The following PHTF1 variants were observed in gnomAD, a reference collection of about 807,000 sequenced individuals.
PHTF1 encodes the protein protein PHTF1.
PHTF1 carries 88 observed loss-of-function variants against 102.4 expected under a neutral mutation model. The ratio of observed to expected loss-of-function variants is 0.86; its 90% CI spans 0.72 to 1.03. The LOEUF (loss-of-function observed/expected upper bound fraction) is 1.03. PHTF1 is among the 50% of genes least tolerant of loss of function. The probability of loss-of-function intolerance (pLI) is 0.00; values close to 1 mark genes in which losing one functional copy is unlikely to be tolerated. For missense variants in PHTF1, 814 were observed against 909.5 expected (o/e 0.89, Z 1.35); for synonymous variants, 289 against 305.2 (o/e 0.95, Z 0.55).
In PHTF1 at chr1:113,704,168, C is replaced by T. The variant is rs202217945; in HGVS notation, c.1804-1G>A. The T allele has an allele frequency of 3.0e-5, 48 of 1,606,968 alleles. No individual in the cohort carries two copies. The African/African-American group carries it at 3.2e-4, about 11-fold the overall frequency. ...CAACTGAACGCTGTGGCCCCCGTCT[C>T]TGTGGAGTGAGACACATGTGTTAAT... is the stretch of plus-strand genomic sequence containing the variant. On this transcript the variant is annotated splice_acceptor_variant, in intron 14 of 18. Transcript: ENST00000369604. LOFTEE classifies it high-confidence loss of function.
intron 12 of PHTF1, 67 bp from the exon 13 acceptor site, chr1:113,706,229 TC>T: frequency 2.3e-6 from 3 of 1,300,716 alleles, no homozygotes; most frequent in Non-Finnish European, 3.2e-6. Context: ...GCAGTATTTA[TC>T]AAACACTATT....
chr1:113,741,466 T>C lies in PHTF1; in HGVS notation c.103-2667A>G, dbSNP rs1023011815. Among the ~76,000 whole-genome samples the C allele has an allele frequency of 2.0e-5, 3 of 152,216 alleles. No individual in the cohort carries two copies. The South Asian group carries it at 6.2e-4, about 32-fold the overall frequency. ...ATTAAAAATTTAAAGGTAAAAATAT[T>C]ACTTTTTACCTTTTTGGACATTTGT... On this transcript the variant is annotated intron_variant, in intron 3 of 18. Coordinates refer to ENST00000369604, the MANE Select transcript of PHTF1 (RefSeq NM_001323043.2).
At chr1:113,701,826 TAAAA>T (rs34844793) in intron 15 of PHTF1, among the ~76,000 whole-genome samples, 98 of 27,958 alleles carry the variant, frequency 3.5e-3, no homozygotes, top group African/African-American at 7.7e-3. Flanking sequence ...CAATTCCTGG[TAAAA>T]AAAAAAAAAA....
intron 3 of PHTF1, among the ~76,000 whole-genome samples, chr1:113,743,552 C>T (rs1656747740): frequency 6.6e-6 from 1 of 151,998 alleles, no homozygotes; most frequent in African/African-American, 2.4e-5. Context: ...GTAATATAGT[C>T]ATTTATTATC....
chr1:113,729,254 G>A (rs1019865456), intron 5 of PHTF1, among the ~76,000 whole-genome samples: 4 of 152,170 alleles, frequency 2.6e-5, no homozygotes, highest in Non-Finnish European at 5.9e-5. Context: ...AGAGTAGAAG[G>A]CTCTGAGGCT....
At chr1:113,703,502 T>C (rs951317336) in intron 15 of PHTF1, among the ~76,000 whole-genome samples, 1 of 152,094 alleles carries the variant, frequency 6.6e-6, no homozygotes, top group African/African-American at 2.4e-5. Flanking sequence ...AAAGCAAATA[T>C]AGTAACAGGT....
chr1:113,728,179 G>A (rs1036999489), intron 5 of PHTF1, among the ~76,000 whole-genome samples: 1 of 152,178 alleles, frequency 6.6e-6, no homozygotes, highest in African/African-American at 2.4e-5. Context: ...CACAGAATGA[G>A]AGAAAGTCTT....
At chr1:113,704,587 G>T in intron 14 of PHTF1, 79 bp downstream of exon 14, 1 of 1,030,816 alleles carries the variant, frequency 9.7e-7, no homozygotes, top group Non-Finnish European at 1.4e-6. Flanking sequence ...GAACTACACT[G>T]TCTACTGAGT....
At chr1:113,758,782 T>C in intron 1 of PHTF1, 49 bp from the exon 2 acceptor site, 2 of 1,564,544 alleles carry the variant, frequency 1.3e-6, no homozygotes, top group Non-Finnish European at 1.7e-6. Flanking sequence ...TGAAGGTTAC[T>C]CTCCCAGTTT....
At chr1:113,709,025 G>A (rs1650644585) in intron 11 of PHTF1, among the ~76,000 whole-genome samples, 1 of 152,162 alleles carries the variant, frequency 6.6e-6, no homozygotes, top group Non-Finnish European at 1.5e-5. Context: ...GGAGGCTAAG[G>A]TGGGAGGACT....
intron 5 of PHTF1, among the ~76,000 whole-genome samples, chr1:113,729,898 T>G (rs554355962): frequency 6.6e-6 from 1 of 152,262 alleles, no homozygotes; most frequent in East Asian, 1.9e-4. Flanking sequence ...TCGGGGAGCT[T>G]CCCTGGGTGG....
At chr1:113,751,994 T>C (rs1658159747) in intron 3 of PHTF1, among the ~76,000 whole-genome samples, 1 of 152,258 alleles carries the variant, frequency 6.6e-6, no homozygotes, top group Non-Finnish European at 1.5e-5. Context: ...CTACATCCTT[T>C]GTATTACATA....
At position 113,726,533 on chromosome 1, in the gene PHTF1, T is replaced by G. The variant is rs35311195; in HGVS notation, c.373A>C (p.Ile125Leu). 2.4e-5 allele frequency: 38 copies of G among 1,607,338 alleles called. 1 individual carries two copies. The Admixed American group carries it at 4.6e-4, about 19-fold the overall frequency. The change falls in exon 6 of 19, where the codon ATA becomes CTA. Residue 125 changes from isoleucine to leucine, a missense_variant. Transcript: ENST00000369604. ...VLYLMMPIVNISEVLGPLCLM... is the reference protein window; with the variant it reads ...VLYLMMPIVNLSEVLGPLCLM... ...CACAAGGGTCCAAGTACTTCACTTA[T>G]GTTCACAATAGGCATCATCAAATAT... is the stretch of plus-strand genomic sequence containing the variant.
intron 7 of PHTF1, 198 bp from the exon 8 acceptor site, chr1:113,713,636 T>C (rs559021104): frequency 3.3e-4 from 174 of 524,370 alleles, no homozygotes; most frequent in African/African-American, 3.1e-3. Context: ...GTGAGTCTAT[T>C]CTTCAAAGAC....
At chr1:113,702,084 C>T (rs184811363) in intron 15 of PHTF1, among the ~76,000 whole-genome samples, 4 of 151,778 alleles carry the variant, frequency 2.6e-5, no homozygotes, top group African/African-American at 4.8e-5. Flanking sequence ...TTACATCTTG[C>T]GGTTTTAAAA....
intron 17 of PHTF1, 52 bp from the exon 18 acceptor site, chr1:113,698,439 C>A (rs773507285): frequency 1.9e-6 from 3 of 1,551,198 alleles, no homozygotes; most frequent in South Asian, 2.3e-5. Context: ...CTCATAGCTA[C>A]TCAGTGACTT....
At chr1:113,726,810 T>C (rs1470904289) in intron 5 of PHTF1, among the ~76,000 whole-genome samples, 2 of 152,152 alleles carry the variant, frequency 1.3e-5, no homozygotes, top group African/African-American at 4.8e-5. Flanking sequence ...AGCATGATAA[T>C]TTAGATATTT....
At chr1:113,757,143 G>T (rs1411057458) in intron 3 of PHTF1, among the ~76,000 whole-genome samples, 1 of 152,102 alleles carries the variant, frequency 6.6e-6, no homozygotes, top group African/African-American at 2.4e-5. Flanking sequence ...CTCCAGCCTG[G>T]ACGACAGAGT....
At chr1:113,731,136 C>T (rs1468500634) in intron 5 of PHTF1, among the ~76,000 whole-genome samples, 1 of 152,040 alleles carries the variant, frequency 6.6e-6, no homozygotes, top group Non-Finnish European at 1.5e-5. Flanking sequence ...GAACTCTACA[C>T]TGAGAAATGG....
Sources: gnomAD v4.1 joint callset for allele counts (sites outside exome capture counted in the v4.1 genomes callset) on GRCh38, gnomAD v4.1.1 for gene constraint, MANE v1.5 for transcripts, NCBI Gene and HGNC (gene_info 2026-07-23, HGNC 2026-07-21) for gene names.